ITPR3: variants seen among roughly 807,000 people sequenced by gnomAD.
ITPR3 encodes inositol 1,4,5-trisphosphate receptor type 3, also known as inositol 1,4,5-trisphosphate-gated calcium channel ITPR3.
In ITPR3, 173 loss-of-function variants were observed where a neutral mutation model predicts 293.2. The observed-to-expected ratio is 0.59, with a 90% CI of 0.52 to 0.67. The LOEUF is 0.67. Among genes scored for constraint, ITPR3 ranks in the 30% least tolerant of loss-of-function variants. The pLI, the probability that ITPR3 is intolerant of heterozygous loss-of-function variation, is 0.00. For missense variants in ITPR3, 2,796 were observed against 3,592.1 expected, an observed-to-expected ratio of 0.78 and a Z score of 5.66; for synonymous variants, 1,295 against 1,444.4, an observed-to-expected ratio of 0.90 and a Z score of 2.35.
chr6:33,655,631 T>C lies in ITPR3; in HGVS notation c.161-135T>C. 8.4e-7 allele frequency: 1 copy of C among 1,185,142 alleles called. No homozygotes were observed. Among genetic ancestry groups the C allele is most frequent in the South Asian group, 1.5e-5 (1 of 68,186 alleles). 73.4% of individuals were successfully genotyped at this position (1,185,142 alleles called of 1,614,324 possible). On this transcript the variant is annotated intron_variant, in intron 2 of 57. Coordinates refer to ENST00000605930, the MANE Select transcript of ITPR3 (RefSeq NM_002224.4). The surrounding 1 kb of genome is among the most constrained non-coding windows in gnomAD (Gnocchi z 4.9). ...AATTCTGTGAGGTTCTTCCAACCGC[T>C]TCCTCTCTACCTGCAGCGGGGAACG... is the stretch of plus-strand genomic sequence containing the variant.
intron 33 of ITPR3, among the ~76,000 whole-genome samples, chr6:33,681,792 C>T (rs968582349): frequency 1.3e-5 from 2 of 152,038 alleles, no homozygotes; most frequent in African/African-American, 4.8e-5. Flanking sequence ...CGCATTGGGA[C>T]GATGGAACTC....
At chr6:33,628,004 T>C (rs1459097464) in intron 1 of ITPR3, among the ~76,000 whole-genome samples, 1 of 152,244 alleles carries the variant, frequency 6.6e-6, no homozygotes, top group Non-Finnish European at 1.5e-5. Flanking sequence ...CTGGAGCCAC[T>C]TGATTACACT....
chr6:33,647,890 G>T (rs1212468992), intron 2 of ITPR3, among the ~76,000 whole-genome samples: 1 of 152,046 alleles, frequency 6.6e-6, no homozygotes. Context: ...CACTGAGGTT[G>T]CTGAGGCAGA....
At chr6:33,693,868 G>A (rs1309607832) in intron 56 of ITPR3, among the ~76,000 whole-genome samples, 163 bp downstream of exon 56, 4 of 152,232 alleles carry the variant, frequency 2.6e-5, no homozygotes, top group African/African-American at 4.8e-5. Context: ...AGAGGGGCTC[G>A]GACAGCTGCA....
chr6:33,668,625 T>C lies in ITPR3; in HGVS notation c.1997T>C (p.Ile666Thr). 6.2e-7 allele frequency: 1 copy of C among 1,614,198 alleles called. No homozygotes were observed. Among genetic ancestry groups the C allele is most frequent in the Non-Finnish European group, 8.5e-7 (1 of 1,180,022 alleles). The change falls in exon 17 of 58, where the codon ATC becomes ACC. Residue 666 changes from isoleucine (I) to threonine (T), a missense_variant. Ile to Thr is a moderately conservative substitution (Grantham distance 89, BLOSUM62 -1). Transcript: ENST00000605930. ...GACCCCAAGAACAGTGACATTCTCA[T>C]CCGGACCGAGTGAGCCCTGTGCCCC... ...VLDPKNSDIL[I>T]RTELRPVKEM...
In ITPR3 at chr6:33,664,865, T is replaced by G. The variant is rs765934094; in HGVS notation, c.1149-5T>G. The G allele has an allele frequency of 1.9e-6, 3 of 1,613,138 alleles. No homozygotes were observed. Among genetic ancestry groups the G allele is most frequent in the Non-Finnish European group, 2.5e-6 (3 of 1,179,824 alleles). ...CCGAGTCCTTTCCCTCCCACCCACC[T>G]GCAGGAACTCGTACGTCCGGCTGCG... is the stretch of plus-strand genomic sequence containing the variant. On this transcript the variant is annotated splice_polypyrimidine_tract_variant and splice_region_variant and intron_variant, in intron 11 of 57. Transcript: ENST00000605930. The surrounding 1 kb of genome is among the most constrained non-coding windows in gnomAD (Gnocchi z 4.4).
intron 51 of ITPR3, 140 bp downstream of exon 51, chr6:33,690,338 T>A: frequency 1.2e-6 from 1 of 864,976 alleles, no homozygotes; most frequent in Non-Finnish European, 1.7e-6. Flanking sequence ...AATTACAGAG[T>A]CTTCATCTGC....
At position 33,635,365 on chromosome 6, in the gene ITPR3, G is replaced by C. The variant is rs78117616; in HGVS notation, c.90-5119G>C. 1.8e-3 allele frequency among the ~76,000 whole-genome samples: 273 copies of C among 152,302 alleles called. 6 individuals carry two copies. The East Asian group carries it at 0.023, about 13-fold the overall frequency. On this transcript the variant is annotated intron_variant, in intron 1 of 57. Transcript: ENST00000605930. ...TTAAACTACCTGAGGCGGGGACCTT[G>C]TCTTTTGCTTCTTGTGTACTTTACT...
rs1250766905 is a variant in ITPR3, at chr6:33,664,230, A to G, written c.1148+350A>G. Among the ~76,000 whole-genome samples, 1 of 152,004 alleles carries G rather than the reference A, an allele frequency of 6.6e-6. No homozygotes were observed. The highest frequency in any genetic ancestry group is 1.5e-5 in the Non-Finnish European group (1 of 68,000). On this transcript the variant is annotated intron_variant, in intron 11 of 57. Transcript: ENST00000605930. The surrounding 1 kb of genome is among the most constrained non-coding windows in gnomAD (Gnocchi z 4.4). ...CGCCAACCCCGAGATTCTAGGACGG[A>G]ACATCAAGAAACTTCTCAAGTGTCA...
chr6:33,627,103 C>T (rs1037064437), intron 1 of ITPR3, among the ~76,000 whole-genome samples: 1 of 152,194 alleles, frequency 6.6e-6, no homozygotes, highest in East Asian at 1.9e-4. Flanking sequence ...CCACTGTACC[C>T]GGCTTGGCTT....
At chr6:33,663,029 G>A in intron 9 of ITPR3, 23 bp downstream of exon 9, 2 of 1,574,812 alleles carry the variant, frequency 1.3e-6, no homozygotes, top group East Asian at 2.3e-5. Context: ...TAGAGGGCAT[G>A]CTGGGGCTCG....
intron 33 of ITPR3, among the ~76,000 whole-genome samples, 173 bp downstream of exon 33, chr6:33,680,853 C>T (rs528486526): frequency 3.6e-5 from 5 of 137,848 alleles, no homozygotes; most frequent in South Asian, 2.2e-4. Context: ...TGGAGTTTCA[C>T]TCTGTCGCCC....
chr6:33,691,154 T>C lies in ITPR3; in HGVS notation c.7225+45T>C, dbSNP rs1561883761. The C allele has an allele frequency of 6.3e-7, 1 of 1,589,822 alleles. No individual in the cohort carries two copies. Among genetic ancestry groups the C allele is most frequent in the Non-Finnish European group, 8.6e-7 (1 of 1,159,754 alleles). ...CTGGGCAGGTTGTGGGGAATGAGGT[T>C]GGGTCTCACAAATGTCTGGCGTCAG... On this transcript the variant is annotated intron_variant, in intron 52 of 57. Coordinates refer to ENST00000605930, the MANE Select transcript of ITPR3 (RefSeq NM_002224.4). The surrounding 1 kb of genome is among the most constrained non-coding windows in gnomAD (Gnocchi z 4.9).
At position 33,658,941 on chromosome 6, in the gene ITPR3, G is replaced by A. The variant is rs1764382343; in HGVS notation, c.529-80G>A. 4 of 1,598,438 alleles carry A rather than the reference G, an allele frequency of 2.5e-6. No individual in the cohort carries two copies. The highest frequency in any genetic ancestry group is 2.2e-5 in the South Asian group (2 of 90,314). On this transcript the variant is annotated intron_variant, in intron 5 of 57. Coordinates refer to ENST00000605930, the MANE Select transcript of ITPR3 (RefSeq NM_002224.4). The surrounding 1 kb of genome is among the most constrained non-coding windows in gnomAD (Gnocchi z 6.1). ...TGCCCATTTCTTAGAAGGGCAGACT[G>A]AGACCAAAGGGAGGCCTGGAGGCGT...
chr6:33,634,195 C>T (rs908237673), intron 1 of ITPR3, among the ~76,000 whole-genome samples: 1 of 152,158 alleles, frequency 6.6e-6, no homozygotes, highest in Non-Finnish European at 1.5e-5. Flanking sequence ...CTTGGGGGCA[C>T]GGTGGGACCC....
chr6:33,633,848 C>T lies in ITPR3; in HGVS notation c.90-6636C>T, dbSNP rs1356013287. Among the ~76,000 whole-genome samples, 3 of 106,368 alleles carry T rather than the reference C, an allele frequency of 2.8e-5. No homozygotes were observed. The highest frequency in any genetic ancestry group is 6.1e-5 in the Non-Finnish European group (3 of 49,070). The allele number at this position is 106,368 out of a possible 152,430, so 69.8% of individuals were successfully genotyped here. A position where few individuals can be genotyped will look rare whatever the true frequency, so the allele number is the denominator to read the frequency against. On this transcript the variant is annotated intron_variant, in intron 1 of 57. Transcript: ENST00000605930. This position sits in a 1 kb window ranked among gnomAD's most constrained non-coding sequence, Gnocchi z 5.2. ...GCGCGGGGCGGGCGCGGGGCGGGGC[C>T]GGGCCGGGCCGGGGCGGGGCCAGGG...
At position 33,669,083 on chromosome 6, in the gene ITPR3, A is replaced by C; in HGVS notation, c.2116A>C (p.Lys706Gln). 6.2e-7 allele frequency: 1 copy of C among 1,614,178 alleles called. No individual in the cohort carries two copies. Among genetic ancestry groups the C allele is most frequent in the Non-Finnish European group, 8.5e-7 (1 of 1,180,018 alleles). ...WTDKNNEHHE[K>Q]SVRQLAQEAR... ...TGACAAGAATAACGAGCATCATGAG[A>C]AGAGTGTGAGGCAGCTGGCCCAGGA... Residue 706 changes from lysine (K) to glutamine (Q), a missense_variant, in exon 18 of 58, where the codon AAG becomes CAG. Around this residue, in one of 8 missense-constraint regions of ITPR3, gnomAD observed 955 missense variants for 1,180.8 expected, o/e 0.81. Coordinates refer to ENST00000605930, the MANE Select transcript of ITPR3 (RefSeq NM_002224.4).
intron 11 of ITPR3, 94 bp downstream of exon 11, chr6:33,663,974 C>T (rs1219379802): frequency 3.5e-5 from 52 of 1,474,368 alleles, no homozygotes; most frequent in Middle Eastern, 2.2e-4. Context: ...CTCCTCCGCC[C>T]TCCTGCGGTC....
chr6:33,671,027 T>A, intron 20 of ITPR3, 138 bp from the exon 21 acceptor site: 1 of 1,442,464 alleles, frequency 6.9e-7, no homozygotes, highest in Non-Finnish European at 9.4e-7. Context: ...CTCTCCCTGC[T>A]CCGCTCTCCC....
Sources: allele counts gnomAD v4.1 joint callset (sites outside exome capture counted in the v4.1 genomes callset), GRCh38; gene constraint gnomAD v4.1.1; regional missense constraint gnomAD v4.1.1; non-coding constraint Gnocchi (gnomAD v3.1); transcripts MANE v1.5; gene names NCBI Gene and HGNC (gene_info 2026-07-23, HGNC 2026-07-21).